Variants in EIPR1 observed in about 807,000 individuals in gnomAD.
The protein encoded by EIPR1 is EARP complex and GARP complex interacting protein 1.
A neutral mutation model predicts 48.1 loss-of-function variants in EIPR1; 25 were observed. The observed-to-expected ratio is 0.52, with a 90% CI of 0.38 to 0.73. The LOEUF is 0.73. EIPR1 is among the 30% of genes least tolerant of loss of function. The probability of loss-of-function intolerance (pLI) is 0.00; values close to 1 mark genes in which losing one functional copy is unlikely to be tolerated. For synonymous variants in EIPR1, 204 were observed against 201.9 expected (o/e 1.01, Z -0.09); for missense variants, 415 against 506.2 (o/e 0.82, Z 1.73).
chr2:3,367,119 AAAG>A (rs1027948409), intron 1 of EIPR1, among the ~76,000 whole-genome samples: 5 of 151,996 alleles, frequency 3.3e-5, no homozygotes, highest in Non-Finnish European at 7.4e-5. Flanking sequence ...AAAAAAAAAA[AAAG>A]GGAACAACCT....
chr2:3,334,541 A>C (rs1378218506), intron 3 of EIPR1, among the ~76,000 whole-genome samples: 1 of 152,236 alleles, frequency 6.6e-6, no homozygotes, highest in Non-Finnish European at 1.5e-5. Flanking sequence ...GCCTTGCCCC[A>C]CGGGTGCGAC....
At chr2:3,358,432 C>T (rs372635827) in intron 1 of EIPR1, among the ~76,000 whole-genome samples, 4 of 152,096 alleles carry the variant, frequency 2.6e-5, no homozygotes, top group African/African-American at 9.7e-5. Context: ...TCAATAAAAC[C>T]GAGAATACAC....
chr2:3,291,343 C>T (rs915724392), intron 3 of EIPR1, among the ~76,000 whole-genome samples: 3 of 151,886 alleles, frequency 2.0e-5, no homozygotes, highest in Admixed American at 6.6e-5. Flanking sequence ...ACAGTTCTGC[C>T]GTGTACCCCA....
chr2:3,189,321 C>T lies in EIPR1; in HGVS notation c.*13G>A. On this transcript the variant is annotated 3_prime_UTR_variant, in exon 9 of 9. Coordinates refer to ENST00000382125, the MANE Select transcript of EIPR1 (RefSeq NM_003310.5). This position sits in a 1 kb window ranked among gnomAD's most constrained non-coding sequence, Gnocchi z 4.6. Reference sequence around the variant, plus strand: ...AACCACTCAATGGGACCTGGATAACCCAGGCCCGGGAGTCATAGCAGGATG... The same window carrying T: ...AACCACTCAATGGGACCTGGATAACTCAGGCCCGGGAGTCATAGCAGGATG... 3 of 1,565,010 alleles carry T rather than the reference C, an allele frequency of 1.9e-6. No individual in the cohort carries two copies. Among genetic ancestry groups the T allele is most frequent in the Non-Finnish European group, 2.6e-6 (3 of 1,146,276 alleles).
At chr2:3,260,780 T>C (rs184288396) in intron 3 of EIPR1, among the ~76,000 whole-genome samples, 96 of 152,230 alleles carry the variant, frequency 6.3e-4, no homozygotes, top group Admixed American at 1.4e-3. Context: ...CTCAACATTA[T>C]TAATAATTGG....
chr2:3,375,499 A>C (rs1188118424), intron 1 of EIPR1, among the ~76,000 whole-genome samples: 1 of 152,220 alleles, frequency 6.6e-6, no homozygotes, highest in Non-Finnish European at 1.5e-5. Context: ...GGAGATCAAG[A>C]AGTTAAATTA....
intron 4 of EIPR1, among the ~76,000 whole-genome samples, chr2:3,232,116 T>C (rs912356090): frequency 6.6e-6 from 1 of 152,260 alleles, no homozygotes; most frequent in African/African-American, 2.4e-5. Flanking sequence ...TACGCATAAT[T>C]GTTCACAGTA....
At chr2:3,354,010 G>A (rs191749978) in intron 2 of EIPR1, among the ~76,000 whole-genome samples, 1 of 152,260 alleles carries the variant, frequency 6.6e-6, no homozygotes, top group Non-Finnish European at 1.5e-5. Context: ...AGGGGAATCC[G>A]TGTGCTCAAG....
intron 1 of EIPR1, among the ~76,000 whole-genome samples, chr2:3,366,262 TG>T (rs1393001024): frequency 2.6e-5 from 4 of 152,104 alleles, no homozygotes; most frequent in Non-Finnish European, 1.5e-5. Flanking sequence ...GAGCTGAGAT[TG>T]TACCACTGCA....
At chr2:3,209,859 G>A (rs1665380877) in intron 5 of EIPR1, among the ~76,000 whole-genome samples, 1 of 152,180 alleles carries the variant, frequency 6.6e-6, no homozygotes, top group Non-Finnish European at 1.5e-5. Flanking sequence ...CTTGCCAGGG[G>A]CTTGGAGAGA....
chr2:3,254,014 G>T (rs554807910), intron 4 of EIPR1, among the ~76,000 whole-genome samples: 1 of 152,284 alleles, frequency 6.6e-6, no homozygotes, highest in Admixed American at 6.5e-5. Context: ...GCACTCCCAG[G>T]TGGCCAGAAG....
At chr2:3,227,522 A>G (rs763316298) in intron 4 of EIPR1, among the ~76,000 whole-genome samples, 1 of 152,222 alleles carries the variant, frequency 6.6e-6, no homozygotes, top group Non-Finnish European at 1.5e-5. Context: ...CAGCCTGACT[A>G]TGTAATAGAA....
Position 3,197,686 on chromosome 2 carries a change from A to G in EIPR1, c.517-669T>C, listed in dbSNP as rs1221935492. On this transcript the variant is annotated intron_variant, in intron 5 of 8. Coordinates refer to ENST00000382125, the MANE Select transcript of EIPR1 (RefSeq NM_003310.5). The stretch of plus-strand genomic sequence containing the variant: ...CACAAAGGCTGAGCATGTTGGCTGC[A>G]TCGTTATTTCAATTTGGGGGTTGAA... Among the ~76,000 whole-genome samples, 3 of 152,212 alleles carry G rather than the reference A, an allele frequency of 2.0e-5. No homozygotes were observed. In the East Asian group the frequency reaches 5.8e-4, roughly 29 times the overall value.
At chr2:3,245,876 T>C (rs967305538) in intron 4 of EIPR1, among the ~76,000 whole-genome samples, 21 of 152,220 alleles carry the variant, frequency 1.4e-4, no homozygotes, top group African/African-American at 5.1e-4. Context: ...CTGAGCAATG[T>C]AGGGAGACCT....
At chr2:3,314,912 T>C (rs1669239428) in intron 3 of EIPR1, among the ~76,000 whole-genome samples, 4 of 151,598 alleles carry the variant, frequency 2.6e-5, no homozygotes, top group Admixed American at 2.6e-4. Flanking sequence ...GCAACAAGAG[T>C]GCTGGTCACC....
At chr2:3,333,762 A>AAAAAAAATC (rs1669965818) in intron 3 of EIPR1, among the ~76,000 whole-genome samples, 1 of 151,656 alleles carries the variant, frequency 6.6e-6, no homozygotes, top group African/African-American at 2.4e-5. Context: ...AAAAAAAAAA[A>AAAAAAAATC]AAAAAAATCA....
At chr2:3,284,687 G>A (rs62121495) in intron 3 of EIPR1, among the ~76,000 whole-genome samples, 5,519 of 152,320 alleles carry the variant, frequency 0.036, 157 homozygotes, top group Middle Eastern at 0.078. Context: ...CACTTCTCAG[G>A]ATACAGTAAC....
chr2:3,220,392 A>G (rs768947344), intron 4 of EIPR1, among the ~76,000 whole-genome samples: 28 of 151,832 alleles, frequency 1.8e-4, no homozygotes, highest in Non-Finnish European at 3.7e-4. Flanking sequence ...ACGTGCACAC[A>G]ATGGCTGTAG....
At chr2:3,290,231 T>G (rs529596208) in intron 3 of EIPR1, among the ~76,000 whole-genome samples, 1 of 152,330 alleles carries the variant, frequency 6.6e-6, no homozygotes, top group South Asian at 2.1e-4. Flanking sequence ...CCCCCAGGCC[T>G]AGAATGCTGC....
Sources: gnomAD v4.1 joint callset for allele counts (sites outside exome capture counted in the v4.1 genomes callset) on GRCh38, gnomAD v4.1.1 for gene constraint, Gnocchi (gnomAD v3.1) non-coding constraint, MANE v1.5 for transcripts, NCBI Gene and HGNC (gene_info 2026-07-23, HGNC 2026-07-21) for gene names.